SNAP29: variants seen among roughly 807,000 people sequenced by gnomAD.
SNAP29 encodes synaptosomal-associated protein 29.
Under a neutral mutation model 27.9 loss-of-function variants are expected in SNAP29, and 13 were observed. The ratio of observed to expected loss-of-function variants is 0.47; its 90% confidence interval spans 0.30 to 0.74. The LOEUF (loss-of-function observed/expected upper bound fraction) is 0.74. Among genes scored for constraint, SNAP29 ranks in the 30% least tolerant of loss-of-function variants. The pLI, the probability that SNAP29 is intolerant of heterozygous loss-of-function variation, is 0.06. For missense variants in SNAP29, 368 were observed against 336.5 expected (o/e 1.09, Z -0.73); for synonymous variants, 119 against 127.1 (o/e 0.94, Z 0.43).
At chr22:20,874,593 A>T (rs1430643345) in intron 2 of SNAP29, among the ~76,000 whole-genome samples, 1 of 149,420 alleles carries the variant, frequency 6.7e-6, no homozygotes, top group Non-Finnish European at 1.5e-5. Context: ...AAAAAAAAAA[A>T]GTACTGCAGG....
At chr22:20,862,615 GC>G (rs1928352057) in intron 1 of SNAP29, among the ~76,000 whole-genome samples, 1 of 152,166 alleles carries the variant, frequency 6.6e-6, no homozygotes, top group South Asian at 2.1e-4. Flanking sequence ...GCCCCGTGCT[GC>G]CCCCAAAGGT....
At chr22:20,869,312 C>G (rs893438008) in intron 1 of SNAP29, among the ~76,000 whole-genome samples, 2 of 152,036 alleles carry the variant, frequency 1.3e-5, no homozygotes, top group African/African-American at 4.8e-5. Flanking sequence ...AAGGAATTCT[C>G]CTTTAGGGAA....
rs41277337 is a variant in SNAP29 at position 20,889,151 on chromosome 22, C to T, written c.*1315C>T. On this transcript the variant is annotated 3_prime_UTR_variant, in exon 5 of 5. Coordinates refer to ENST00000215730, the MANE Select transcript of SNAP29 (RefSeq NM_004782.4). ...TAATGAGATAGGTCACTTAAAATAACAGTGCCTTTGACCTTAAAACATGGC... is the reference window on the plus strand; with the variant it reads ...TAATGAGATAGGTCACTTAAAATAATAGTGCCTTTGACCTTAAAACATGGC... 1 of 152,152 alleles carries T rather than the reference C, an allele frequency of 6.6e-6. No homozygotes were observed. Among genetic ancestry groups the T allele is most frequent in the Non-Finnish European group, 1.5e-5 (1 of 68,038 alleles). The allele number at this position is 152,152 out of a possible 1,614,324, so 9.4% of individuals were successfully genotyped here.
chr22:20,870,211 G>C, intron 1 of SNAP29, 126 bp from the exon 2 acceptor site: 1 of 801,838 alleles, frequency 1.2e-6, no homozygotes, highest in Non-Finnish European at 2.2e-6. Flanking sequence ...GCCCCTCACA[G>C]ATGACAGTAC....
In SNAP29 at chr22:20,859,334, T is replaced by A; in HGVS notation, c.224T>A (p.Val75Asp). 1 of 1,612,846 alleles carries A rather than the reference T, an allele frequency of 6.2e-7. No homozygotes were observed. Among genetic ancestry groups the A allele is most frequent in the Non-Finnish European group, 8.5e-7 (1 of 1,179,286 alleles). ...ALMYESEKVG[V>D]ASSEELARQR... ...ATGTACGAGTCCGAGAAGGTTGGGG[T>A]CGCCTCTTCCGAGGTGAGCCTGGGG... The change falls in exon 1 of 5, where the codon GTC becomes GAC. Residue 75 changes from valine (V) to aspartate (D), a missense_variant. Transcript: ENST00000215730.
At chr22:20,862,771 G>A (rs1928357263) in intron 1 of SNAP29, among the ~76,000 whole-genome samples, 2 of 152,280 alleles carry the variant, frequency 1.3e-5, no homozygotes, top group African/African-American at 4.8e-5. Context: ...GAGACAACAT[G>A]TTGGAATTTT....
chr22:20,865,221 G>A (rs868152304), intron 1 of SNAP29, among the ~76,000 whole-genome samples: 1 of 152,152 alleles, frequency 6.6e-6, no homozygotes, highest in Middle Eastern at 3.4e-3. Flanking sequence ...TGGGCATGGC[G>A]GTGCATGCCT....
At position 20,888,311 on chromosome 22, in the gene SNAP29, T is replaced by TCTCACACA. The variant is rs1363748977; in HGVS notation, c.*476_*477insTCACACAC. 1.1e-5 allele frequency: 2 copies of TCTCACACA among 173,988 alleles called. No homozygotes were observed. The highest frequency in any genetic ancestry group is 6.7e-5 in the African/African-American group (2 of 29,840). 10.8% of individuals were successfully genotyped at this position (173,988 alleles called of 1,614,324 possible). ...CACACCTTTGTTTAGGAGTCATCAT[T>TCTCACACA]CACACACACACACACACACACACAC... On this transcript the variant is annotated 3_prime_UTR_variant, in exon 5 of 5. Transcript: ENST00000215730.
In SNAP29 at chr22:20,872,767, C is replaced by T. The variant is rs371815970; in HGVS notation, c.434+2234C>T. On this transcript the variant is annotated intron_variant, in intron 2 of 4. Coordinates refer to ENST00000215730, the MANE Select transcript of SNAP29 (RefSeq NM_004782.4). Reference sequence around the variant, plus strand: ...GCCAGTCTGGTCTCAAACTCCTGACCTCAGGTGATCCACCTGCCTCAGCCT... The same window carrying T: ...GCCAGTCTGGTCTCAAACTCCTGACTTCAGGTGATCCACCTGCCTCAGCCT... Among the ~76,000 whole-genome samples the T allele has an allele frequency of 8.9e-5, 13 of 146,484 alleles. No individual in the cohort carries two copies. The South Asian group carries it at 2.8e-3, about 32-fold the overall frequency.
intron 2 of SNAP29, among the ~76,000 whole-genome samples, chr22:20,874,897 A>G (rs1318975990): frequency 1.3e-5 from 2 of 152,048 alleles, no homozygotes; most frequent in Non-Finnish European, 2.9e-5. Flanking sequence ...GTTTTGGTCT[A>G]AGACATCCTC....
At chr22:20,876,487 G>A (rs1423674305) in intron 2 of SNAP29, among the ~76,000 whole-genome samples, 4 of 151,312 alleles carry the variant, frequency 2.6e-5, no homozygotes, top group African/African-American at 7.3e-5. Context: ...CAACCACCTG[G>A]GCTCAACTGA....
chr22:20,880,977 A>G (rs1928877302), intron 2 of SNAP29, 72 bp from the exon 3 acceptor site: 3 of 995,624 alleles, frequency 3.0e-6, no homozygotes, highest in Non-Finnish European at 4.8e-6. Context: ...CATTATGTGA[A>G]AAGACTGATA....
rs916175198 is a variant in SNAP29 at position 20,891,119 on chromosome 22, T to G, written c.*3283T>G. On this transcript the variant is annotated 3_prime_UTR_variant, in exon 5 of 5. Coordinates refer to ENST00000215730, the MANE Select transcript of SNAP29 (RefSeq NM_004782.4). ...CATCTAGTAATTTGTAACTTAGAAGTGGAGTTGCCTTGTGGATGTCTTTTT... is the reference window on the plus strand; with the variant it reads ...CATCTAGTAATTTGTAACTTAGAAGGGGAGTTGCCTTGTGGATGTCTTTTT... 6.6e-6 allele frequency: 1 copy of G among 152,138 alleles called. No individual in the cohort carries two copies. Among genetic ancestry groups the G allele is most frequent in the Non-Finnish European group, 1.5e-5 (1 of 68,026 alleles). 9.4% of individuals were successfully genotyped at this position (152,138 alleles called of 1,614,324 possible).
At position 20,888,667 on chromosome 22, in the gene SNAP29, G is replaced by T. The variant is rs1929083202; in HGVS notation, c.*831G>T. 1 of 152,790 alleles carries T rather than the reference G, an allele frequency of 6.5e-6. No homozygotes were observed. The highest frequency in any genetic ancestry group is 1.5e-5 in the Non-Finnish European group (1 of 68,506). The allele number at this position is 152,790 out of a possible 1,614,324, so 9.5% of individuals were successfully genotyped here. Reference sequence around the variant, plus strand: ...GGCTGACCGACAGGGGCGCCCAATAGAGTTTGTGGGAATGGAGTATTGCAC... The same window carrying T: ...GGCTGACCGACAGGGGCGCCCAATATAGTTTGTGGGAATGGAGTATTGCAC... On this transcript the variant is annotated 3_prime_UTR_variant, in exon 5 of 5. Transcript: ENST00000215730.
At chr22:20,882,705 C>G (rs1417612464) in intron 3 of SNAP29, among the ~76,000 whole-genome samples, 2 of 152,148 alleles carry the variant, frequency 1.3e-5, no homozygotes, top group Non-Finnish European at 2.9e-5. Flanking sequence ...GCACCCAAGA[C>G]ACAATTTTAA....
intron 3 of SNAP29, among the ~76,000 whole-genome samples, chr22:20,882,998 C>CT (rs71731122): frequency 0.11 from 14,774 of 135,962 alleles, 1,062 homozygotes; most frequent in African/African-American, 0.22. Context: ...TTTAACATTT[C>CT]TTTTTTTTTT....
chr22:20,878,564 C>T (rs1264498826), intron 2 of SNAP29, among the ~76,000 whole-genome samples: 2 of 151,328 alleles, frequency 1.3e-5, no homozygotes, highest in South Asian at 2.1e-4. Flanking sequence ...GGTGACAGAG[C>T]GAGACTATGT....
In SNAP29 at chr22:20,859,051, G is replaced by A. The variant is rs59194912; in HGVS notation, c.-60G>A. On this transcript the variant is annotated 5_prime_UTR_variant, in exon 1 of 5. Coordinates refer to ENST00000215730, the MANE Select transcript of SNAP29 (RefSeq NM_004782.4). ...GGTCGGCGGGCGGGGCGAGGCCCTG[G>A]ACGGCGGCGGCAGTGGGGCTCCTCC... 2 of 1,457,848 alleles carry A rather than the reference G, an allele frequency of 1.4e-6. No homozygotes were observed. The highest frequency in any genetic ancestry group is 9.5e-7 in the Non-Finnish European group (1 of 1,054,084). The allele number at this position is 1,457,848 out of a possible 1,614,324, so 90.3% of individuals were successfully genotyped here.
chr22:20,865,674 C>T (rs1424940750), intron 1 of SNAP29, among the ~76,000 whole-genome samples: 1 of 152,190 alleles, frequency 6.6e-6, no homozygotes, highest in Non-Finnish European at 1.5e-5. Flanking sequence ...ATGCACAGAA[C>T]TGTTACACGT....
Sources: allele counts gnomAD v4.1 joint callset (sites outside exome capture counted in the v4.1 genomes callset), GRCh38; gene constraint gnomAD v4.1.1; transcripts MANE v1.5; gene names NCBI Gene and HGNC (gene_info 2026-07-23, HGNC 2026-07-21).